The following JAM3 variants were observed in gnomAD, a reference collection of about 807,000 sequenced individuals.
JAM3 encodes the protein junctional adhesion molecule 3.
In JAM3, 31 loss-of-function variants were observed where a neutral mutation model predicts 39.4. The ratio of observed to expected loss-of-function variants is 0.79; its 90% CI spans 0.59 to 1.06. The LOEUF is 1.06. JAM3 is among the 50% of genes least tolerant of loss of function. JAM3 has a pLI of 0.00. For synonymous variants in JAM3, 182 were observed against 148.7 expected (o/e 1.22, Z -1.63); for missense variants, 455 against 391.4 (o/e 1.16, Z -1.37).
intron 1 of JAM3, among the ~76,000 whole-genome samples, chr11:134,082,869 G>A (rs183521181): frequency 6.6e-6 from 1 of 152,244 alleles, no homozygotes; most frequent in East Asian, 1.9e-4. Flanking sequence ...CCCTATAGAG[G>A]ACACATATTT....
At chr11:134,131,946 A>T (rs1235196520) in intron 1 of JAM3, among the ~76,000 whole-genome samples, 1 of 152,240 alleles carries the variant, frequency 6.6e-6, no homozygotes, top group South Asian at 2.1e-4. Context: ...TAAGCGACTC[A>T]TGGGACTAAT....
chr11:134,093,929 T>G (rs80062155), intron 1 of JAM3, among the ~76,000 whole-genome samples: 1 of 119,012 alleles, frequency 8.4e-6, no homozygotes, highest in African/African-American at 3.4e-5. Context: ...TGAGGGAAGC[T>G]TCTCCTGAAC....
chr11:134,143,489 C>T (rs1357193469), intron 3 of JAM3, among the ~76,000 whole-genome samples: 1 of 152,216 alleles, frequency 6.6e-6, no homozygotes, highest in Non-Finnish European at 1.5e-5. Context: ...CCACCTCAGC[C>T]TTCTGAGTAG....
In JAM3 at chr11:134,149,727, G is replaced by A. The variant is rs897301582; in HGVS notation, c.*546G>A. 1 of 446,662 alleles carries A rather than the reference G, an allele frequency of 2.2e-6. No homozygotes were observed. The highest frequency in any genetic ancestry group is 4.5e-6 in the Non-Finnish European group (1 of 223,180). The allele number at this position is 446,662 out of a possible 1,614,324, so 27.7% of individuals were successfully genotyped here. On this transcript the variant is annotated 3_prime_UTR_variant, in exon 9 of 9. Transcript: ENST00000299106. ...TCGGTGTTGCAGTGTCCATTGTGGA[G>A]AAGCTTTTTGGATCAGCATTTTGTA...
intron 5 of JAM3, chr11:134,145,317 TTGA>T (rs1943052589): frequency 4.5e-6 from 2 of 448,168 alleles, no homozygotes; most frequent in South Asian, 4.3e-5. Flanking sequence ...TAGGTGGTAT[TTGA>T]TGATCTATTA....
At position 134,069,083 on chromosome 11, in the gene JAM3, C is replaced by T. The variant is rs540536282; in HGVS notation, c.-1C>T. 6 of 1,610,654 alleles carry T rather than the reference C, an allele frequency of 3.7e-6. No individual in the cohort carries two copies. In the South Asian group the frequency reaches 4.4e-5, roughly 12 times the overall value. On this transcript the variant is annotated 5_prime_UTR_variant, in exon 1 of 9. Coordinates refer to ENST00000299106, the MANE Select transcript of JAM3 (RefSeq NM_032801.5). ...CCGCTGGCCCCTCAGCAACCCTCGA[C>T]ATGGCGCTGAGGCGGCCACCGCGAC...
At chr11:134,104,038 A>G (rs983793912) in intron 1 of JAM3, among the ~76,000 whole-genome samples, 1 of 152,238 alleles carries the variant, frequency 6.6e-6, no homozygotes, top group East Asian at 1.9e-4. Flanking sequence ...TCTCCACCCC[A>G]AATCAACAGA....
chr11:134,082,414 T>C (rs1359646901), intron 1 of JAM3, among the ~76,000 whole-genome samples: 2 of 152,198 alleles, frequency 1.3e-5, no homozygotes, highest in African/African-American at 4.8e-5. Context: ...GGTTTGGCTC[T>C]GTGTTCCCAC....
intron 1 of JAM3, among the ~76,000 whole-genome samples, chr11:134,124,583 A>G (rs1942606730): frequency 6.6e-6 from 1 of 152,186 alleles, no homozygotes; most frequent in East Asian, 1.9e-4. Flanking sequence ...TTCGGACTCC[A>G]AAAAAATCCA....
At chr11:134,104,157 G>A (rs533776857) in intron 1 of JAM3, among the ~76,000 whole-genome samples, 3 of 152,082 alleles carry the variant, frequency 2.0e-5, no homozygotes, top group Admixed American at 2.0e-4. Flanking sequence ...TAACAAACTT[G>A]TCTCAGACCA....
At chr11:134,112,123 G>A (rs1256578232) in intron 1 of JAM3, among the ~76,000 whole-genome samples, 1 of 152,184 alleles carries the variant, frequency 6.6e-6, no homozygotes, top group Non-Finnish European at 1.5e-5. Flanking sequence ...GCCTCGCTCT[G>A]TTGCCCAGTA....
intron 1 of JAM3, among the ~76,000 whole-genome samples, chr11:134,100,923 GTGAA>G (rs903422842): frequency 6.6e-6 from 1 of 152,164 alleles, no homozygotes; most frequent in Non-Finnish European, 1.5e-5. Context: ...GAGTAAAAAA[GTGAA>G]TGAAGTAAAG....
intron 5 of JAM3, chr11:134,145,556 T>C (rs1815858): frequency 0.14 from 45,573 of 326,598 alleles, 3,642 homozygotes; most frequent in African/African-American, 0.22. Flanking sequence ...CTGCATGTGG[T>C]TCTCTCCTGG....
intron 1 of JAM3, among the ~76,000 whole-genome samples, chr11:134,112,957 C>T (rs749440145): frequency 3.3e-5 from 5 of 152,134 alleles, no homozygotes; most frequent in African/African-American, 4.8e-5. Context: ...TGGGCTAGGG[C>T]CTGGAGTGGG....
rs763891551 is a variant in JAM3 at position 134,148,777 on chromosome 11, G to A, written c.856G>A (p.Gly286Arg). 4 of 1,614,134 alleles carry A rather than the reference G, an allele frequency of 2.5e-6. No individual in the cohort carries two copies. In the South Asian group the frequency reaches 4.4e-5, roughly 18 times the overall value. ...KQDGESYKNP[G>R]KPDGVNYIRT... ...TTCTCCTCATAGTTACAAGAACCCA[G>A]GGAAACCAGATGGAGTTAACTACAT... The change falls in exon 8 of 9, where the codon GGG becomes AGG. Residue 286 changes from glycine to arginine, a missense_variant. By Grantham distance (125) the Gly-to-Arg change is moderately radical. Coordinates refer to ENST00000299106, the MANE Select transcript of JAM3 (RefSeq NM_032801.5).
At chr11:134,082,442 G>C (rs1171466785) in intron 1 of JAM3, among the ~76,000 whole-genome samples, 1 of 152,128 alleles carries the variant, frequency 6.6e-6, no homozygotes, top group African/African-American at 2.4e-5. Context: ...TCATCTTGTA[G>C]CTCCCATAAT....
At chr11:134,141,552 CAG>C (rs1476993644) in intron 3 of JAM3, among the ~76,000 whole-genome samples, 5 of 152,156 alleles carry the variant, frequency 3.3e-5, no homozygotes, top group South Asian at 2.1e-4. Context: ...GTGAGGCTCT[CAG>C]GGGAGGTGCC....
intron 1 of JAM3, chr11:134,123,962 C>G: frequency 6.6e-7 from 1 of 1,505,726 alleles, no homozygotes; most frequent in Non-Finnish European, 9.2e-7. Flanking sequence ...CATCTTCGTA[C>G]TTCATTCCAT....
At chr11:134,133,085 G>T (rs557914412) in intron 1 of JAM3, among the ~76,000 whole-genome samples, 66 of 152,310 alleles carry the variant, frequency 4.3e-4, no homozygotes, top group East Asian at 3.1e-3. Flanking sequence ...ATGGATGAGG[G>T]TTTCCAAGCT....
Sources: allele counts gnomAD v4.1 joint callset (sites outside exome capture counted in the v4.1 genomes callset), GRCh38; gene constraint gnomAD v4.1.1; transcripts MANE v1.5; gene names NCBI Gene and HGNC (gene_info 2026-07-23, HGNC 2026-07-21).